SUMF1: variants seen among roughly 807,000 people sequenced by gnomAD.
The protein encoded by SUMF1 is sulfatase modifying factor 1.
A neutral mutation model predicts 47.6 loss-of-function variants in SUMF1; 48 were observed. That is an observed-to-expected ratio of 1.01 (90% CI 0.80 to 1.28). SUMF1 has a LOEUF of 1.28. SUMF1 is among the 50% of genes most tolerant of loss of function. The pLI is 0.00. For synonymous variants in SUMF1, 230 were observed against 192.1 expected (o/e 1.20, Z -1.63); for missense variants, 571 against 485.4 (o/e 1.18, Z -1.66).
At position 4,362,143 on chromosome 3, in the gene SUMF1, G is replaced by T; in HGVS notation, c.*1C>A. 6.2e-7 allele frequency: 1 copy of T among 1,613,996 alleles called. No homozygotes were observed. The highest frequency in any genetic ancestry group is 1.7e-4 in the Middle Eastern group (1 of 5,970). ...GGACTGGGGAAGACTTTCCTTGGTTGTCAGTCCATAGTGGGCAGGCGGTCG... is the reference window on the plus strand; with the variant it reads ...GGACTGGGGAAGACTTTCCTTGGTTTTCAGTCCATAGTGGGCAGGCGGTCG... On this transcript the variant is annotated 3_prime_UTR_variant, in exon 9 of 9. Transcript: ENST00000272902.
intron 9 of SUMF1, among the ~76,000 whole-genome samples, chr3:4,060,296 G>A (rs530902180): frequency 2.6e-5 from 4 of 152,170 alleles, no homozygotes; most frequent in Non-Finnish European, 4.4e-5. Context: ...TGTCTGGCCT[G>A]CCAGGGCACA....
Position 4,420,065 on chromosome 3 carries a change from T to G in SUMF1, c.601A>C (p.Arg201=), listed in dbSNP as rs769198682. The G allele has an allele frequency of 2.5e-6, 4 of 1,613,938 alleles. No individual in the cohort carries two copies. The South Asian group carries it at 4.4e-5, about 18-fold the overall frequency. ...PEGPDSTILH[R]PDHPVLHVSW... is the part of the protein sequence containing the mutation. ...TGGGGAAAGAGGGACCAGCCTCACC[T>G]GTGCAGAATAGTAGAGTCAGGCCCT... Residue 201 remains arginine (R), a splice_region_variant and synonymous_variant, in exon 4 of 9, where the codon AGG becomes CGG. Coordinates refer to ENST00000272902, the MANE Select transcript of SUMF1 (RefSeq NM_182760.4).
chr3:4,249,291 C>T (rs1376932180), intron 8 of SUMF1, among the ~76,000 whole-genome samples: 1 of 152,150 alleles, frequency 6.6e-6, no homozygotes, highest in Non-Finnish European at 1.5e-5. Context: ...TTCTGCTTCA[C>T]TTTATTGTGT....
chr3:4,058,404 T>C (rs1695225411), intron 9 of SUMF1, among the ~76,000 whole-genome samples: 1 of 151,892 alleles, frequency 6.6e-6, no homozygotes. Flanking sequence ...TTCAGGGACA[T>C]GATAAGGAAT....
intron 8 of SUMF1, among the ~76,000 whole-genome samples, chr3:4,237,800 CT>C (rs202071049): frequency 0.056 from 8,469 of 152,074 alleles, 282 homozygotes; most frequent in Middle Eastern, 0.12. Flanking sequence ...TTTTTAAATA[CT>C]TTAAGTGCTG....
intron 8 of SUMF1, among the ~76,000 whole-genome samples, chr3:4,138,397 G>C (rs978121809): frequency 6.6e-6 from 1 of 152,140 alleles, no homozygotes; most frequent in African/African-American, 2.4e-5. Context: ...CCACTGGACA[G>C]TGAACACTGT....
At chr3:4,129,724 G>A (rs1385741088) in intron 8 of SUMF1, among the ~76,000 whole-genome samples, 1 of 152,136 alleles carries the variant, frequency 6.6e-6, no homozygotes, top group Non-Finnish European at 1.5e-5. Context: ...CTGAACACTG[G>A]CTCTGAGCTG....
chr3:4,168,545 A>G (rs993913179), intron 8 of SUMF1, among the ~76,000 whole-genome samples: 7 of 152,234 alleles, frequency 4.6e-5, no homozygotes, highest in Admixed American at 6.5e-5. Flanking sequence ...TAAAATTAGC[A>G]CAGTGGTTAA....
intron 8 of SUMF1, among the ~76,000 whole-genome samples, chr3:4,337,904 C>G: frequency 6.6e-6 from 1 of 152,100 alleles, no homozygotes; most frequent in Non-Finnish European, 1.5e-5. Flanking sequence ...CCTCACCTCC[C>G]TCCCAGTAAA....
intron 9 of SUMF1, among the ~76,000 whole-genome samples, chr3:4,067,220 G>T (rs1695398741): frequency 6.6e-6 from 1 of 152,124 alleles, no homozygotes; most frequent in Non-Finnish European, 1.5e-5. Context: ...ACTTCCAATG[G>T]GTTATTTGGT....
At chr3:4,176,361 A>G (rs1380439038) in intron 8 of SUMF1, among the ~76,000 whole-genome samples, 1 of 152,202 alleles carries the variant, frequency 6.6e-6, no homozygotes, top group African/African-American at 2.4e-5. Flanking sequence ...CCTACAAGCT[A>G]GAAGAGAGTG....
At chr3:4,311,091 C>T (rs1363945667) in intron 8 of SUMF1, among the ~76,000 whole-genome samples, 1 of 152,146 alleles carries the variant, frequency 6.6e-6, no homozygotes, top group Non-Finnish European at 1.5e-5. Flanking sequence ...AAGCTATTTC[C>T]TCTCTCCACC....
At chr3:4,311,189 A>G (rs1448108705) in intron 8 of SUMF1, among the ~76,000 whole-genome samples, 1 of 152,100 alleles carries the variant, frequency 6.6e-6, no homozygotes, top group Admixed American at 6.5e-5. Context: ...GAGGATGTCA[A>G]TCCTCCCCAG....
intron 7 of SUMF1, among the ~76,000 whole-genome samples, chr3:4,398,479 T>C (rs1286199825): frequency 6.6e-6 from 1 of 152,210 alleles, no homozygotes; most frequent in Non-Finnish European, 1.5e-5. Context: ...CCTGGTTTTA[T>C]TTCCAGATCC....
chr3:4,359,296 G>C (rs1418711584), downstream of SUMF1, among the ~76,000 whole-genome samples: 2 of 152,124 alleles, frequency 1.3e-5, no homozygotes, highest in African/African-American at 4.8e-5. Flanking sequence ...TTCATTTTTA[G>C]AGACAGGGTC....
At chr3:4,453,401 T>C (rs376810535) in intron 1 of SUMF1, among the ~76,000 whole-genome samples, 12 of 151,900 alleles carry the variant, frequency 7.9e-5, no homozygotes, top group African/African-American at 2.9e-4. Flanking sequence ...AGGTTCTCAC[T>C]CTTTTGCCCA....
chr3:4,160,948 G>T (rs957036964), intron 8 of SUMF1, among the ~76,000 whole-genome samples: 1 of 152,104 alleles, frequency 6.6e-6, no homozygotes, highest in Admixed American at 6.5e-5. Context: ...GGGCTTCACA[G>T]ATGTACCCAT....
rs1469705790 is a variant in SUMF1, at chr3:4,266,238, TTAAAG to T, written c.1014+110087_1014+110091del. On this transcript the variant is annotated intron_variant and NMD_transcript_variant, in intron 8 of 12. Transcript: ENST00000448413. ...GCTCTTTTTTGGTTCCGTATGAACT[TTAAAG>T]TAGTTTTTTCCAATTCTGTGAAGAA... Among the ~76,000 whole-genome samples the T allele has an allele frequency of 2.0e-5, 3 of 152,204 alleles. No individual in the cohort carries two copies. In the East Asian group the frequency reaches 5.8e-4, roughly 29 times the overall value.
In SUMF1 at chr3:4,368,229, T is replaced by C. The variant is rs1301017232; in HGVS notation, c.1015-5975A>G. 2.6e-5 allele frequency among the ~76,000 whole-genome samples: 4 copies of C among 152,190 alleles called. No individual in the cohort carries two copies. In the East Asian group the frequency reaches 5.8e-4, roughly 22 times the overall value. ...GACATTTGTGCAGCCAAAAGACACA[T>C]GAAAAAATGCTCACCATCACTGGCC... On this transcript the variant is annotated intron_variant, in intron 8 of 8. Transcript: ENST00000272902.
Sources: gnomAD v4.1 joint callset for allele counts (sites outside exome capture counted in the v4.1 genomes callset) on GRCh38, gnomAD v4.1.1 for gene constraint, MANE v1.5 for transcripts, NCBI Gene and HGNC (gene_info 2026-07-23, HGNC 2026-07-21) for gene names.